Variants in NAPRT observed in about 807,000 individuals in gnomAD.
NAPRT encodes nicotinate phosphoribosyltransferase.
A neutral mutation model predicts 60.7 loss-of-function variants in NAPRT; 66 were observed. The observed-to-expected ratio is 1.09, with a 90% CI of 0.89 to 1.33. The LOEUF is 1.33. Ranked by LOEUF, NAPRT falls within the 40% of genes most tolerant of loss-of-function variation. The pLI, the probability that NAPRT is intolerant of heterozygous loss-of-function variation, is 0.00. For synonymous variants in NAPRT, 405 were observed against 335.7 expected, an observed-to-expected ratio of 1.21 and a Z score of -2.26; for missense variants, 818 against 731.5, an observed-to-expected ratio of 1.12 and a Z score of -1.36.
At position 143,576,552 on chromosome 8, in the gene NAPRT, AG is replaced by A. The variant is rs1448719325; in HGVS notation, c.901del (p.Leu301Ter). On this transcript the variant is annotated frameshift_variant, in exon 7 of 13. Transcript: ENST00000449291. LOFTEE classifies it high-confidence loss of function. ...CTCTCCCAGGGCCAGGGCGACTGCT[AG>A]GAAGTTGGGGAGACCACTCCTGCAG... ...SVWRSGLPNF[L>X]AVALALGELG... 4.3e-6 allele frequency: 7 copies of A among 1,611,460 alleles called. No individual in the cohort carries two copies. The Admixed American group carries it at 8.4e-5, about 19-fold the overall frequency.
At position 143,578,115 on chromosome 8, in the gene NAPRT, G is replaced by T. The variant is rs752827100; in HGVS notation, c.204C>A (p.Arg68=). 6.6e-7 allele frequency: 1 copy of T among 1,521,984 alleles called. No homozygotes were observed. Among genetic ancestry groups the T allele is most frequent in the Non-Finnish European group, 8.8e-7 (1 of 1,141,560 alleles). The allele number at this position is 1,521,984 out of a possible 1,614,324, so 94.3% of individuals were successfully genotyped here. The change falls in exon 1 of 13, where the codon CGC becomes CGA. Residue 68 remains arginine, a synonymous_variant. Coordinates refer to ENST00000449291, the MANE Select transcript of NAPRT (RefSeq NM_145201.6). ...AGLRDCVRFL[R]AFRLRDADVQ... ...TACCGGCGTCCCGCAGGCGGAAGGC[G>T]CGCAGGAAGCGCACACAGTCGCGCA...
In NAPRT at chr8:143,574,949, G is replaced by A. The variant is rs1441520697; in HGVS notation, c.1554+37C>T. ...CGGTGGGCAGGGTGAGGGCGGGGGC[G>A]CACAGGGCAGAATGACAGGGTGGGC... On this transcript the variant is annotated intron_variant, in intron 12 of 12. Transcript: ENST00000449291. 9 of 1,548,922 alleles carry A rather than the reference G, an allele frequency of 5.8e-6. No individual in the cohort carries two copies. The South Asian group carries it at 6.0e-5, about 10-fold the overall frequency.
rs1278046921 is a variant in NAPRT, at chr8:143,576,732, A to G, written c.795T>C (p.His265=). 5.0e-6 allele frequency: 8 copies of G among 1,608,466 alleles called. No homozygotes were observed. Among genetic ancestry groups the G allele is most frequent in the African/African-American group, 1.3e-5 (1 of 74,808 alleles). ...AHLGLGVQEP[H]PGERAAFVAY... is the part of the protein sequence containing the mutation. Reference sequence around the variant, plus strand: ...CCACAAAGGCTGCCCGCTCGCCTGGATGCGGCTCCTGCACCCCCAGCCCCA... The same window carrying G: ...CCACAAAGGCTGCCCGCTCGCCTGGGTGCGGCTCCTGCACCCCCAGCCCCA... Residue 265 remains histidine, a synonymous_variant, in exon 6 of 13, where the codon CAT becomes CAC. Coordinates refer to ENST00000449291, the MANE Select transcript of NAPRT (RefSeq NM_145201.6).
rs1454074310 is a variant in NAPRT, at chr8:143,575,217, G to C, written c.1420C>G (p.Leu474Val). 1 of 1,611,940 alleles carries C rather than the reference G, an allele frequency of 6.2e-7. No individual in the cohort carries two copies. The highest frequency in any genetic ancestry group is 1.7e-5 in the Admixed American group (1 of 59,862). The stretch of plus-strand genomic sequence containing the variant: ...TGTCCCTGCTGGAGGCAGAGCCGCA[G>C]TAGTGGCTCCACCTGGGCTGGCCTC... ...TVRPAQVEPL[L>V]RLCLQQGQLC... is the part of the protein sequence containing the mutation. Residue 474 changes from leucine (L) to valine (V), a missense_variant, in exon 11 of 13, where the codon CTG (leucine) becomes GTG (valine). Coordinates refer to ENST00000449291, the MANE Select transcript of NAPRT (RefSeq NM_145201.6).
In NAPRT at chr8:143,576,676, T is replaced by C. The variant is rs145759182; in HGVS notation, c.851A>G (p.Gln284Arg). Residue 284 changes from glutamine to arginine, a missense_variant, in exon 6 of 13, where the codon CAG (glutamine) becomes CGG (arginine). Physicochemically the swap from Gln to Arg is conservative, Grantham distance 43. Coordinates refer to ENST00000449291, the MANE Select transcript of NAPRT (RefSeq NM_145201.6). ...AYALAFPRAF[Q>R]GLLDTYSVWR... ...CACGCTGTAGGTGTCCAGGAGGCCC[T>C]GGAAGGCCCGGGGAAAAGCCAAGGC... The C allele has an allele frequency of 5.6e-4, 908 of 1,611,338 alleles. 15 individuals carry two copies. The South Asian group carries it at 9.4e-3, about 17-fold the overall frequency.
intron 8 of NAPRT, 21 bp downstream of exon 8, chr8:143,576,057 C>G (rs1282956782): frequency 1.3e-6 from 2 of 1,558,504 alleles, no homozygotes; most frequent in African/African-American, 1.4e-5. Flanking sequence ...CACCCTCCGC[C>G]TACCCACTCA....
Position 143,576,073 on chromosome 8 carries a change from C to G in NAPRT, c.1107+5G>C. The G allele has an allele frequency of 6.3e-7, 1 of 1,583,940 alleles. No individual in the cohort carries two copies. ...ACCCTCCGCCTACCCACTCATCCAC[C>G]CCACCTCCTGGGCCAGTCGGGCCAG... is the stretch of plus-strand genomic sequence containing the variant. On this transcript the variant is annotated splice_donor_5th_base_variant and intron_variant, in intron 8 of 12. Transcript: ENST00000449291.
Position 143,574,854 on chromosome 8 carries a change from G to A in NAPRT, c.1601C>T (p.Ala534Val), listed in dbSNP as rs1205877026. 70 of 1,550,512 alleles carry A rather than the reference G, an allele frequency of 4.5e-5. No individual in the cohort carries two copies. Among genetic ancestry groups the A allele is most frequent in the African/African-American group, 6.8e-5 (5 of 73,070 alleles). Residue 534 changes from alanine (A) to valine (V), a missense_variant, in exon 13 of 13, where the codon GCG (alanine) becomes GTG (valine). Physicochemically the swap from Ala to Val is moderately conservative, Grantham distance 64. Coordinates refer to ENST00000449291, the MANE Select transcript of NAPRT (RefSeq NM_145201.6). ...CTCCGAGTCTCAGGGGGACTGCCCCGCACACAGACTGTTCACCAGGGCCTG... is the reference window on the plus strand; with the variant it reads ...CTCCGAGTCTCAGGGGGACTGCCCCACACACAGACTGTTCACCAGGGCCTG... Reference protein sequence around the residue: ...RLQALVNSLCAGQSP With the variant: ...RLQALVNSLCVGQSP
At chr8:143,574,750 G>C (rs1367300216), downstream of NAPRT, 3 of 1,497,986 alleles carry the variant, frequency 2.0e-6, no homozygotes, top group Middle Eastern at 1.7e-4. Flanking sequence ...CCCGTGGGCT[G>C]GGTGAACAAA....
chr8:143,576,078 C>T lies in NAPRT; in HGVS notation c.1107G>A (p.Glu369=), dbSNP rs775128874. Residue 369 remains glutamate, a splice_region_variant and synonymous_variant, in exon 8 of 13, where the codon GAG becomes GAA. Coordinates refer to ENST00000449291, the MANE Select transcript of NAPRT (RefSeq NM_145201.6). ...CCGCCTACCCACTCATCCACCCCACCTCCTGGGCCAGTCGGGCCAGCGCCT... is the reference window on the plus strand; with the variant it reads ...CCGCCTACCCACTCATCCACCCCACTTCCTGGGCCAGTCGGGCCAGCGCCT... The part of the protein sequence containing the change: ...DEEALARLAQ[E]GSEVNVIGIG... 1 of 1,589,510 alleles carries T rather than the reference C, an allele frequency of 6.3e-7. No homozygotes were observed. The highest frequency in any genetic ancestry group is 8.6e-7 in the Non-Finnish European group (1 of 1,164,808).
At chr8:143,577,420 G>C (rs1563934400) in intron 3 of NAPRT, 21 bp from the exon 4 acceptor site, 2 of 1,595,160 alleles carry the variant, frequency 1.3e-6, no homozygotes, top group East Asian at 2.3e-5. Flanking sequence ...CCAAGAGTCA[G>C]GGGGTCCCAG....
rs1355886681 is a variant in NAPRT at position 143,577,661 on chromosome 8, C to A, written c.433G>T (p.Ala145Ser). 6.5e-7 allele frequency: 1 copy of A among 1,537,902 alleles called. No homozygotes were observed. Among genetic ancestry groups the A allele is most frequent in the South Asian group, 1.2e-5 (1 of 84,024 alleles). ...ETPLLCLVSY[A>S]SLVATNAARL... ...TGCCAGTGGCCCGCAGCCCACCTGG[C>A]GTAGCTGACCAGGCAGAGCAGCGGT... The change falls in exon 3 of 13, where the codon GCC becomes TCC. Residue 145 changes from alanine to serine, a missense_variant. By Grantham distance (99) the Ala-to-Ser change is moderately conservative. Coordinates refer to ENST00000449291, the MANE Select transcript of NAPRT (RefSeq NM_145201.6).
chr8:143,578,088 A>T lies in NAPRT; in HGVS notation c.226+5T>A. ...GGGGGGCTCGTCGCGCGGACGGGGG[A>T]CTACCGGCGTCCCGCAGGCGGAAGG... On this transcript the variant is annotated splice_donor_5th_base_variant and intron_variant, in intron 1 of 12. Transcript: ENST00000449291. 1 of 1,520,192 alleles carries T rather than the reference A, an allele frequency of 6.6e-7. No homozygotes were observed. The highest frequency in any genetic ancestry group is 8.8e-7 in the Non-Finnish European group (1 of 1,141,000). The allele number at this position is 1,520,192 out of a possible 1,614,324, so 94.2% of individuals were successfully genotyped here.
chr8:143,575,407 G>A lies in NAPRT; in HGVS notation c.1291+16C>T, dbSNP rs1313771135. The A allele has an allele frequency of 5.0e-6, 8 of 1,593,350 alleles. No homozygotes were observed. In the Admixed American group the frequency reaches 6.7e-5, roughly 13 times the overall value. Reference sequence around the variant, plus strand: ...TGCTTTGAAGGTGGACAGCAGGGGGGATGGGAGGGCCTCACCGTCAGAGCC... The same window carrying A: ...TGCTTTGAAGGTGGACAGCAGGGGGAATGGGAGGGCCTCACCGTCAGAGCC... On this transcript the variant is annotated intron_variant, in intron 10 of 12. Coordinates refer to ENST00000449291, the MANE Select transcript of NAPRT (RefSeq NM_145201.6).
At chr8:143,574,942 CG>C (rs1563928742) in intron 12 of NAPRT, 42 bp from the exon 13 acceptor site, 1 of 1,549,644 alleles carries the variant, frequency 6.5e-7, no homozygotes. Flanking sequence ...AGGGTGAGGG[CG>C]GGGGCGCACA....
At position 143,575,439 on chromosome 8, in the gene NAPRT, C is replaced by G; in HGVS notation, c.1275G>C (p.Arg425=). Residue 425 remains arginine (R), a synonymous_variant, in exon 10 of 13, where the codon CGG becomes CGC. Transcript: ENST00000449291. The part of the protein sequence containing the change: ...QTLPGSKAAF[R]LLGSDGSPLM... Reference sequence around the variant, plus strand: ...GGGCCTCACCGTCAGAGCCCAGGAGCCGGAAAGCAGCCTTGCTCCCAGGCA... The same window carrying G: ...GGGCCTCACCGTCAGAGCCCAGGAGGCGGAAAGCAGCCTTGCTCCCAGGCA... 6.3e-7 allele frequency: 1 copy of G among 1,590,864 alleles called. No homozygotes were observed. Among genetic ancestry groups the G allele is most frequent in the Non-Finnish European group, 8.6e-7 (1 of 1,161,702 alleles).
At chr8:143,576,941 C>T (rs1824508089) in intron 5 of NAPRT, 99 bp from the exon 6 acceptor site, 1 of 1,493,632 alleles carries the variant, frequency 6.7e-7, no homozygotes, top group African/African-American at 1.4e-5. Context: ...GTAATGCAGC[C>T]CGTGCCAGCT....
At position 143,578,077 on chromosome 8, in the gene NAPRT, G is replaced by A. The variant is rs1423299423; in HGVS notation, c.226+16C>T. On this transcript the variant is annotated intron_variant, in intron 1 of 12. Coordinates refer to ENST00000449291, the MANE Select transcript of NAPRT (RefSeq NM_145201.6). ...CTGCCGGGCGTGGGGGGCTCGTCGC[G>A]CGGACGGGGGACTACCGGCGTCCCG... is the stretch of plus-strand genomic sequence containing the variant. 1 of 1,503,640 alleles carries A rather than the reference G, an allele frequency of 6.7e-7. No homozygotes were observed. The allele number at this position is 1,503,640 out of a possible 1,614,324, so 93.1% of individuals were successfully genotyped here. A position where few individuals can be genotyped will look rare whatever the true frequency, so the allele number is the denominator to read the frequency against.
chr8:143,576,609 G>T (rs558180390), intron 6 of NAPRT, 37 bp from the exon 7 acceptor site: 1 of 1,605,820 alleles, frequency 6.2e-7, no homozygotes, highest in South Asian at 1.1e-5. Context: ...GGCTGCTGAG[G>T]TTCTGCTGAG....
Sources: gnomAD v4.1 joint callset for allele counts on GRCh38, gnomAD v4.1.1 for gene constraint, MANE v1.5 for transcripts, NCBI Gene and HGNC (gene_info 2026-07-23, HGNC 2026-07-21) for gene names.